ADAMTSL4: variants seen among roughly 807,000 people sequenced by gnomAD.
ADAMTSL4 encodes the protein ADAMTS like 4, also known as ADAMTS-like protein 4.
A neutral mutation model predicts 122.8 loss-of-function variants in ADAMTSL4; 97 were observed. The ratio of observed to expected loss-of-function variants is 0.79; its 90% CI spans 0.67 to 0.93. ADAMTSL4 has a LOEUF of 0.93. Among genes scored for constraint, ADAMTSL4 ranks in the 40% least tolerant of loss-of-function variants. ADAMTSL4 has a pLI of 0.00. For synonymous variants in ADAMTSL4, 592 were observed against 568.0 expected (o/e 1.04, Z -0.60); for missense variants, 1,408 against 1,453.5 (o/e 0.97, Z 0.51).
At position 150,557,174 on chromosome 1, in the gene ADAMTSL4, T is replaced by G. The variant is rs1034638900; in HGVS notation, c.1886T>G (p.Leu629Arg). Reference sequence around the variant, plus strand: ...GAGATTCTGAGGGTGGAGCCCCCACTTGCTCCGGCACCCCGCCCAGCCCGG... The same window carrying G: ...GAGATTCTGAGGGTGGAGCCCCCACGTGCTCCGGCACCCCGCCCAGCCCGG... ...QPEILRVEPP[L>R]APAPRPARTP... The change falls in exon 12 of 19, where the codon CTT (leucine) becomes CGT (arginine). Residue 629 changes from leucine to arginine, a missense_variant. Coordinates refer to ENST00000271643, the MANE Select transcript of ADAMTSL4 (RefSeq NM_019032.6). 1 of 1,611,582 alleles carries G rather than the reference T, an allele frequency of 6.2e-7. No homozygotes were observed. The highest frequency in any genetic ancestry group is 8.5e-7 in the Non-Finnish European group (1 of 1,179,754).
chr1:150,557,166 GC>G lies in ADAMTSL4; in HGVS notation c.1883del (p.Pro628HisfsTer191). On this transcript the variant is annotated frameshift_variant, in exon 12 of 19. Transcript: ENST00000271643. LOFTEE classifies it high-confidence loss of function. ...CCTGCACAGAGATTCTGAGGGTGGA[GC>G]CCCCACTTGCTCCGGCACCCCGCCC... is the stretch of plus-strand genomic sequence containing the variant. ...QLQPEILRVE[P>X]PLAPAPRPAR... is the part of the protein sequence containing the mutation. 6.2e-7 allele frequency: 1 copy of G among 1,611,778 alleles called. No individual in the cohort carries two copies. Among genetic ancestry groups the G allele is most frequent in the Non-Finnish European group, 8.5e-7 (1 of 1,179,794 alleles).
At position 150,559,414 on chromosome 1, in the gene ADAMTSL4, C is replaced by A; in HGVS notation, c.2891C>A (p.Pro964His). 6.2e-7 allele frequency: 1 copy of A among 1,613,532 alleles called. No homozygotes were observed. Among genetic ancestry groups the A allele is most frequent in the Non-Finnish European group, 8.5e-7 (1 of 1,179,982 alleles). ...CTCCCCAGGCCCCCTGCCCTGCAGC[C>A]CTGTCAAGGGCAGGCCTGCCAGGAC... Reference protein sequence around the residue: ...SHLPRPPALQPCQGQACQDRW... With the variant: ...SHLPRPPALQHCQGQACQDRW... The change falls in exon 17 of 19, where the codon CCC becomes CAC. Residue 964 changes from proline (P) to histidine (H), a missense_variant. Coordinates refer to ENST00000271643, the MANE Select transcript of ADAMTSL4 (RefSeq NM_019032.6). The surrounding 1 kb of genome is among the most constrained non-coding windows in gnomAD (Gnocchi z 4.1).
chr1:150,559,106 G>A lies in ADAMTSL4; in HGVS notation c.2704G>A (p.Ala902Thr), dbSNP rs376803411. The A allele has an allele frequency of 3.2e-4, 515 of 1,612,872 alleles. 9 individuals are homozygous for A. In the South Asian group the frequency reaches 4.5e-3, roughly 14 times the overall value. The stretch of plus-strand genomic sequence containing the variant: ...AGGAAGCCGGCCCCCTGACATGCGC[G>A]CCTGCAGCCTGGGGCCCTGTGAGAG... ...PTGSRPPDMR[A>T]CSLGPCERTW... The change falls in exon 16 of 19, where the codon GCC becomes ACC. Residue 902 changes from alanine (A) to threonine (T), a missense_variant. Ala to Thr is a moderately conservative substitution (Grantham distance 58, BLOSUM62 0). Transcript: ENST00000271643. This position sits in a 1 kb window ranked among gnomAD's most constrained non-coding sequence, Gnocchi z 4.1.
At chr1:150,557,109 G>C in intron 11 of ADAMTSL4, 41 bp from the exon 12 acceptor site, 4 of 1,613,232 alleles carry the variant, frequency 2.5e-6, no homozygotes, top group Non-Finnish European at 3.4e-6. Flanking sequence ...GCTGGCTCGG[G>C]GCAGTGGGGT....
Position 150,558,465 on chromosome 1 carries a change from C to T in ADAMTSL4, c.2383-8C>T. On this transcript the variant is annotated splice_polypyrimidine_tract_variant and splice_region_variant and intron_variant, in intron 14 of 18. Transcript: ENST00000271643. Reference sequence around the variant, plus strand: ...GCCCAGCTCCCTGGATTCCCCTCGCCCCCTCAGTGCTCCGTGCGGTGCGGC... The same window carrying T: ...GCCCAGCTCCCTGGATTCCCCTCGCTCCCTCAGTGCTCCGTGCGGTGCGGC... The T allele has an allele frequency of 6.2e-7, 1 of 1,613,334 alleles. No homozygotes were observed. Among genetic ancestry groups the T allele is most frequent in the Non-Finnish European group, 8.5e-7 (1 of 1,179,930 alleles).
At position 150,560,230 on chromosome 1, in the gene ADAMTSL4, C is replaced by T; in HGVS notation, c.*34C>T. 1 of 1,612,858 alleles carries T rather than the reference C, an allele frequency of 6.2e-7. No homozygotes were observed. The highest frequency in any genetic ancestry group is 8.5e-7 in the Non-Finnish European group (1 of 1,179,490). On this transcript the variant is annotated 3_prime_UTR_variant, in exon 19 of 19. Transcript: ENST00000271643. ...CGGGGCACCTTCACGGTTTTCTGTGCCACCATCGGTCACCCATTGATCGGC... is the reference window on the plus strand; with the variant it reads ...CGGGGCACCTTCACGGTTTTCTGTGTCACCATCGGTCACCCATTGATCGGC...
rs754048794 is a variant in ADAMTSL4 at position 150,553,009 on chromosome 1, G to A, written c.190G>A (p.Val64Met). 40 of 1,613,130 alleles carry A rather than the reference G, an allele frequency of 2.5e-5. No individual in the cohort carries two copies. Among genetic ancestry groups the A allele is most frequent in the Non-Finnish European group, 3.3e-5 (39 of 1,179,914 alleles). The change falls in exon 5 of 19, where the codon GTG (valine) becomes ATG (methionine). Residue 64 changes from valine to methionine, a missense_variant. Transcript: ENST00000271643. ...ASCSQPCGVGVQRRSRTCQLP... is the reference protein window; with the variant it reads ...ASCSQPCGVGMQRRSRTCQLP... ...TTGCTCCCAGCCCTGCGGGGTGGGG[G>A]TGCAGCGCAGGAGCCGGACATGTCA...
In ADAMTSL4 at chr1:150,557,666, A is replaced by G. The variant is rs935801189; in HGVS notation, c.2177+43A>G. 6 of 1,577,700 alleles carry G rather than the reference A, an allele frequency of 3.8e-6. No homozygotes were observed. In the Admixed American group the frequency reaches 8.9e-5, roughly 23 times the overall value. On this transcript the variant is annotated intron_variant, in intron 13 of 18. Coordinates refer to ENST00000271643, the MANE Select transcript of ADAMTSL4 (RefSeq NM_019032.6). Reference sequence around the variant, plus strand: ...CACGGGGAGGGTTAGGGTACTGGAAACACAGCAGTTGCCCCCAGAATCTTA... The same window carrying G: ...CACGGGGAGGGTTAGGGTACTGGAAGCACAGCAGTTGCCCCCAGAATCTTA...
At position 150,552,149 on chromosome 1, in the gene ADAMTSL4, C is replaced by T; in HGVS notation, c.-84-56C>T. ...CTCCATATTCTCTGAGCTGTCCTCCCAGCCCCAAGCTCTCTGGACACTGGA... is the reference window on the plus strand; with the variant it reads ...CTCCATATTCTCTGAGCTGTCCTCCTAGCCCCAAGCTCTCTGGACACTGGA... On this transcript the variant is annotated intron_variant, in intron 2 of 18. Transcript: ENST00000271643. The surrounding 1 kb of genome is among the most constrained non-coding windows in gnomAD (Gnocchi z 4.0). 1 of 872,674 alleles carries T rather than the reference C, an allele frequency of 1.1e-6. No individual in the cohort carries two copies. Among genetic ancestry groups the T allele is most frequent in the South Asian group, 1.7e-5 (1 of 58,692 alleles). 54.1% of individuals were successfully genotyped at this position (872,674 alleles called of 1,614,324 possible). A position where few individuals can be genotyped will look rare whatever the true frequency, so the allele number is the denominator to read the frequency against.
In ADAMTSL4 at chr1:150,559,443, T is replaced by C; in HGVS notation, c.2920T>C (p.Trp974Arg). Residue 974 changes from tryptophan to arginine, a missense_variant, in exon 17 of 19, where the codon TGG becomes CGG. Trp to Arg is a moderately radical substitution (Grantham distance 101, BLOSUM62 -3). Coordinates refer to ENST00000271643, the MANE Select transcript of ADAMTSL4 (RefSeq NM_019032.6). The surrounding 1 kb of genome is among the most constrained non-coding windows in gnomAD (Gnocchi z 4.1). ...PCQGQACQDR[W>R]FSTPWSPCSR... is the part of the protein sequence containing the mutation. Reference sequence around the variant, plus strand: ...TCAAGGGCAGGCCTGCCAGGACCGATGGTTTTCCACGCCCTGGAGCCCAGT... The same window carrying C: ...TCAAGGGCAGGCCTGCCAGGACCGACGGTTTTCCACGCCCTGGAGCCCAGT... The C allele has an allele frequency of 6.2e-7, 1 of 1,613,374 alleles. No individual in the cohort carries two copies. Among genetic ancestry groups the C allele is most frequent in the Non-Finnish European group, 8.5e-7 (1 of 1,179,962 alleles).
Position 150,553,848 on chromosome 1 carries a change from C to A in ADAMTSL4, c.857C>A (p.Ser286Tyr). ...TCCCCTCAGCCACGAAGGCCAAGTT[C>A]CCAGGGTTGGGCCAGTCCCCAGGTA... ...RASPQPRRPS[S>Y]QGWASPQVAG... The change falls in exon 6 of 19, where the codon TCC (serine) becomes TAC (tyrosine). Residue 286 changes from serine to tyrosine, a missense_variant. By Grantham distance (144) the Ser-to-Tyr change is moderately radical. Coordinates refer to ENST00000271643, the MANE Select transcript of ADAMTSL4 (RefSeq NM_019032.6). 6.2e-7 allele frequency: 1 copy of A among 1,614,118 alleles called. No homozygotes were observed. Among genetic ancestry groups the A allele is most frequent in the Non-Finnish European group, 8.5e-7 (1 of 1,180,016 alleles).
rs890410656 is a variant in ADAMTSL4, at chr1:150,552,324, A to G, written c.20+16A>G. 3.9e-6 allele frequency: 6 copies of G among 1,553,802 alleles called. No homozygotes were observed. The Admixed American group carries it at 1.2e-4, about 30-fold the overall frequency. ...GGACTGGCAGGTGAGAGAAGGGGCC[A>G]CGGGTTGGGGGGGAGGAAAAGGGGA... On this transcript the variant is annotated intron_variant, in intron 3 of 18. Transcript: ENST00000271643. This position sits in a 1 kb window ranked among gnomAD's most constrained non-coding sequence, Gnocchi z 4.0.
chr1:150,557,269 CT>C lies in ADAMTSL4; in HGVS notation c.1982del (p.Leu661ArgfsTer158). The C allele has an allele frequency of 6.2e-7, 1 of 1,612,136 alleles. No homozygotes were observed. The highest frequency in any genetic ancestry group is 1.1e-5 in the South Asian group (1 of 90,862). On this transcript the variant is annotated frameshift_variant, in exon 12 of 19. Coordinates refer to ENST00000271643, the MANE Select transcript of ADAMTSL4 (RefSeq NM_019032.6). LOFTEE classifies it high-confidence loss of function. ...MPAPPHPRTP[L>X]GSPAAYWKRV... The stretch of plus-strand genomic sequence containing the variant: ...CGCCCCGCCCCATCCCAGGACACCC[CT>C]GGGGTCTCCAGCTGCGTACTGGAAA...
In ADAMTSL4 at chr1:150,559,888, C is replaced by T; in HGVS notation, c.3071C>T (p.Pro1024Leu). 6.2e-7 allele frequency: 1 copy of T among 1,614,036 alleles called. No individual in the cohort carries two copies. The highest frequency in any genetic ancestry group is 1.1e-5 in the South Asian group (1 of 91,086). The part of the protein sequence containing the change: ...PSRKRPCNSQ[P>L]CSQRPDDQCK... ...AGGAAGCGCCCCTGTAACAGCCAAC[C>T]CTGCAGCCAGCGCCCTGGTAAAGAG... The change falls in exon 18 of 19, where the codon CCC (proline) becomes CTC (leucine). Residue 1024 changes from proline to leucine, a missense_variant. Pro to Leu is a moderately conservative substitution (Grantham distance 98, BLOSUM62 -3). Transcript: ENST00000271643. This position sits in a 1 kb window ranked among gnomAD's most constrained non-coding sequence, Gnocchi z 4.1.
Position 150,552,516 on chromosome 1 carries a change from G to A in ADAMTSL4, c.21-27G>A, listed in dbSNP as rs769939051. The A allele has an allele frequency of 5.6e-6, 9 of 1,613,882 alleles. No homozygotes were observed. The highest frequency in any genetic ancestry group is 5.3e-5 in the African/African-American group (4 of 74,874). On this transcript the variant is annotated intron_variant, in intron 3 of 18. Transcript: ENST00000271643. The surrounding 1 kb of genome is among the most constrained non-coding windows in gnomAD (Gnocchi z 4.0). ...ACACCCCCTCTGGCTCCAGTCTGAC[G>A]TCCCTCCCCTGGCCTTTGGTTTGCA... is the stretch of plus-strand genomic sequence containing the variant.
In ADAMTSL4 at chr1:150,555,567, T is replaced by C. The variant is rs780517182; in HGVS notation, c.1371+2T>C. ...ATCTGTGTGGCTGGACGCTGTCTGGTGAGGGAAGACAGTGTGTGTGTGCAC... is the reference window on the plus strand; with the variant it reads ...ATCTGTGTGGCTGGACGCTGTCTGGCGAGGGAAGACAGTGTGTGTGTGCAC... On this transcript the variant is annotated splice_donor_variant, in intron 8 of 18. Coordinates refer to ENST00000271643, the MANE Select transcript of ADAMTSL4 (RefSeq NM_019032.6). LOFTEE classifies it high-confidence loss of function. The C allele has an allele frequency of 6.2e-7, 1 of 1,613,892 alleles. No homozygotes were observed. Among genetic ancestry groups the C allele is most frequent in the Non-Finnish European group, 8.5e-7 (1 of 1,180,002 alleles).
In ADAMTSL4 at chr1:150,552,800, T is replaced by G; in HGVS notation, c.79-98T>G. 4 of 1,370,610 alleles carry G rather than the reference T, an allele frequency of 2.9e-6. No individual in the cohort carries two copies. Among genetic ancestry groups the G allele is most frequent in the Non-Finnish European group, 4.1e-6 (4 of 969,098 alleles). 84.9% of individuals were successfully genotyped at this position (1,370,610 alleles called of 1,614,324 possible). On this transcript the variant is annotated intron_variant, in intron 4 of 18. Transcript: ENST00000271643. This position sits in a 1 kb window ranked among gnomAD's most constrained non-coding sequence, Gnocchi z 4.0. ...TCTGCTGCTGAATGTGACCTTGGAC[T>G]GGTAGCGACTCCGTGAGCCTCAGTG...
In ADAMTSL4 at chr1:150,552,527, G is replaced by T. The variant is rs1217132500; in HGVS notation, c.21-16G>T. ...GGCTCCAGTCTGACGTCCCTCCCCT[G>T]GCCTTTGGTTTGCAGGCCCTGGCTG... On this transcript the variant is annotated splice_polypyrimidine_tract_variant and intron_variant, in intron 3 of 18. Transcript: ENST00000271643. The surrounding 1 kb of genome is among the most constrained non-coding windows in gnomAD (Gnocchi z 4.0). 6.2e-7 allele frequency: 1 copy of T among 1,614,068 alleles called. No individual in the cohort carries two copies. The highest frequency in any genetic ancestry group is 1.1e-5 in the South Asian group (1 of 91,086).
rs781720703 is a variant in ADAMTSL4, at chr1:150,552,531, T to C, written c.21-12T>C. On this transcript the variant is annotated splice_polypyrimidine_tract_variant and intron_variant, in intron 3 of 18. Coordinates refer to ENST00000271643, the MANE Select transcript of ADAMTSL4 (RefSeq NM_019032.6). The surrounding 1 kb of genome is among the most constrained non-coding windows in gnomAD (Gnocchi z 4.0). The stretch of plus-strand genomic sequence containing the variant: ...CCAGTCTGACGTCCCTCCCCTGGCC[T>C]TTGGTTTGCAGGCCCTGGCTGTATC... 4 of 1,613,958 alleles carry C rather than the reference T, an allele frequency of 2.5e-6. No homozygotes were observed. In the Admixed American group the frequency reaches 6.7e-5, roughly 27 times the overall value.
Sources: gnomAD v4.1 joint callset for allele counts on GRCh38, gnomAD v4.1.1 for gene constraint, Gnocchi (gnomAD v3.1) non-coding constraint, MANE v1.5 for transcripts, NCBI Gene and HGNC (gene_info 2026-07-23, HGNC 2026-07-21) for gene names.